The following TEAD4 variants were observed in gnomAD, a reference collection of about 807,000 sequenced individuals.
The protein encoded by TEAD4 is TEA domain transcription factor 4.
Under a neutral mutation model 52.4 loss-of-function variants are expected in TEAD4, and 36 were observed. The ratio of observed to expected loss-of-function variants is 0.69; its 90% confidence interval spans 0.53 to 0.91. The LOEUF (loss-of-function observed/expected upper bound fraction) is 0.91. Ranked by LOEUF, TEAD4 falls within the 40% of genes least tolerant of loss-of-function variation. The probability of loss-of-function intolerance (pLI) is 0.00; values close to 1 mark genes in which losing one functional copy is unlikely to be tolerated. For missense variants in TEAD4, 508 were observed against 583.9 expected (o/e 0.87, Z 1.34); for synonymous variants, 220 against 231.0 (o/e 0.95, Z 0.43).
intron 2 of TEAD4, among the ~76,000 whole-genome samples, chr12:2,992,972 G>A (rs2153955242): frequency 6.6e-6 from 1 of 152,322 alleles, no homozygotes; most frequent in African/African-American, 2.4e-5. Context: ...AGAGGCACCA[G>A]AAAGTCAATC....
chr12:3,010,454 C>T (rs1275561867), intron 3 of TEAD4, among the ~76,000 whole-genome samples: 3 of 152,338 alleles, frequency 2.0e-5, no homozygotes, highest in Middle Eastern at 3.4e-3. Flanking sequence ...TCTTTATGAG[C>T]GGACGGGCTC....
At chr12:3,016,419 TC>T (rs1431984484) in intron 5 of TEAD4, among the ~76,000 whole-genome samples, 1 of 152,108 alleles carries the variant, frequency 6.6e-6, no homozygotes, top group East Asian at 1.9e-4. Context: ...TACTTGCTGT[TC>T]CAGCCCGTGT....
chr12:2,999,206 G>C (rs2098249668), intron 3 of TEAD4, among the ~76,000 whole-genome samples: 1 of 152,110 alleles, frequency 6.6e-6, no homozygotes, highest in Non-Finnish European at 1.5e-5. Flanking sequence ...TTCCCTTGGG[G>C]CATCTGCGCT....
intron 2 of TEAD4, among the ~76,000 whole-genome samples, chr12:2,973,441 A>G (rs1332076046): frequency 6.6e-6 from 1 of 152,192 alleles, no homozygotes; most frequent in Non-Finnish European, 1.5e-5. Flanking sequence ...AGATGTTTGG[A>G]GGAAATTAGT....
intron 10 of TEAD4, among the ~76,000 whole-genome samples, chr12:3,025,851 G>A (rs569149403): frequency 3.3e-5 from 5 of 152,204 alleles, no homozygotes; most frequent in African/African-American, 9.6e-5. Flanking sequence ...AATGATTTTC[G>A]AGGATCATTC....
intron 2 of TEAD4, among the ~76,000 whole-genome samples, chr12:2,975,146 G>T (rs1172442610): frequency 1.4e-5 from 2 of 143,712 alleles, no homozygotes; most frequent in African/African-American, 2.6e-5. Flanking sequence ...GAAAGGCCCC[G>T]AGGAGAAAAA....
chr12:3,020,237 G>T (rs1261602531), intron 8 of TEAD4, among the ~76,000 whole-genome samples: 1 of 152,238 alleles, frequency 6.6e-6, no homozygotes, highest in African/African-American at 2.4e-5. Flanking sequence ...TCTCCGGGAT[G>T]ATGCCATATT....
At chr12:2,964,206 C>A (rs2098218283) in intron 2 of TEAD4, among the ~76,000 whole-genome samples, 1 of 152,206 alleles carries the variant, frequency 6.6e-6, no homozygotes, top group South Asian at 2.1e-4. Context: ...CTCGTGTTTG[C>A]CAGCCTCCGC....
intron 2 of TEAD4, among the ~76,000 whole-genome samples, chr12:2,991,282 G>A (rs868314228): frequency 4.6e-5 from 7 of 152,276 alleles, no homozygotes; most frequent in Non-Finnish European, 1.0e-4. Context: ...TTGCTCAGTC[G>A]TTTCTAAATT....
chr12:2,978,216 G>A (rs7958032), intron 2 of TEAD4, among the ~76,000 whole-genome samples: 8,830 of 151,836 alleles, frequency 0.058, 832 homozygotes, highest in African/African-American at 0.2. Context: ...AATTTTTTTG[G>A]TGAAATATAT....
chr12:2,980,647 C>T (rs1458930203), intron 2 of TEAD4, among the ~76,000 whole-genome samples: 3 of 151,970 alleles, frequency 2.0e-5, no homozygotes, highest in Non-Finnish European at 4.4e-5. Flanking sequence ...GCAGGAGAAT[C>T]TCTTGAACCT....
At chr12:3,020,161 T>C (rs946995188) in intron 8 of TEAD4, among the ~76,000 whole-genome samples, 7 of 152,318 alleles carry the variant, frequency 4.6e-5, no homozygotes, top group South Asian at 2.1e-4. Flanking sequence ...GAGGGGCTCT[T>C]CTGGGCCAGG....
chr12:3,024,901 CT>C (rs1440199754), intron 10 of TEAD4, among the ~76,000 whole-genome samples: 1 of 63,308 alleles, frequency 1.6e-5, no homozygotes, highest in African/African-American at 4.0e-5. Context: ...TTCTGGAGAT[CT>C]TTCTCCTGGC....
intron 2 of TEAD4, among the ~76,000 whole-genome samples, chr12:2,976,871 C>G (rs1003156394): frequency 2.2e-4 from 33 of 152,190 alleles, no homozygotes; most frequent in Non-Finnish European, 4.4e-5. Flanking sequence ...TTATCTCCCT[C>G]TGTTGCTCTC....
intron 2 of TEAD4, among the ~76,000 whole-genome samples, chr12:2,971,509 T>G (rs1206486954): frequency 6.6e-6 from 1 of 152,092 alleles, no homozygotes; most frequent in Non-Finnish European, 1.5e-5. Context: ...AGAGTCTCGC[T>G]CTGTCGCCCA....
At chr12:2,970,152 C>T (rs150579296) in intron 2 of TEAD4, among the ~76,000 whole-genome samples, 11 of 152,306 alleles carry the variant, frequency 7.2e-5, no homozygotes, top group African/African-American at 2.4e-4. Flanking sequence ...TTAACGTAAT[C>T]AATAGTAAAA....
chr12:2,972,856 A>C (rs1343553027), intron 2 of TEAD4, among the ~76,000 whole-genome samples: 2 of 152,132 alleles, frequency 1.3e-5, no homozygotes, highest in East Asian at 3.9e-4. Flanking sequence ...TATTTTTAAC[A>C]TACATACAGC....
chr12:2,993,343 A>C (rs1241516073), intron 2 of TEAD4, among the ~76,000 whole-genome samples: 1 of 152,208 alleles, frequency 6.6e-6, no homozygotes, highest in African/African-American at 2.4e-5. Flanking sequence ...TTTTGTAAAA[A>C]AAATTTTTAG....
intron 2 of TEAD4, among the ~76,000 whole-genome samples, chr12:2,976,211 C>T (rs1166298191): frequency 6.6e-6 from 1 of 151,998 alleles, no homozygotes; most frequent in Non-Finnish European, 1.5e-5. Flanking sequence ...TTGTGTTCCA[C>T]CAAGACGCCG....
Sources: gnomAD v4.1 joint callset for allele counts (sites outside exome capture counted in the v4.1 genomes callset) on GRCh38, gnomAD v4.1.1 for gene constraint, MANE v1.5 for transcripts, NCBI Gene and HGNC (gene_info 2026-07-23, HGNC 2026-07-21) for gene names.